The following LRRC4C variants were observed in gnomAD, a reference collection of about 807,000 sequenced individuals.
LRRC4C encodes the protein leucine rich repeat containing 4C, also known as leucine-rich repeat-containing protein 4C.
In LRRC4C, 5 loss-of-function variants were observed where a neutral mutation model predicts 33.6. The observed-to-expected ratio is 0.15, with a 90% confidence interval of 0.08 to 0.31. The LOEUF (loss-of-function observed/expected upper bound fraction) is 0.31. Ranked by LOEUF, LRRC4C falls within the 10% of genes least tolerant of loss-of-function variation. The pLI is 1.00. For synonymous variants in LRRC4C, 329 were observed against 302.0 expected (o/e 1.09, Z -0.93); for missense variants, 560 against 796.7 (o/e 0.70, Z 3.58).
chr11:41,327,835 G>A (rs1336771073), intron 1 of LRRC4C, among the ~76,000 whole-genome samples: 2 of 152,246 alleles, frequency 1.3e-5, no homozygotes, highest in African/African-American at 2.4e-5. Flanking sequence ...TATGTAAGAC[G>A]TATCTTTGCT....
At chr11:40,736,091 G>A (rs1045426491) in intron 2 of LRRC4C, among the ~76,000 whole-genome samples, 1 of 151,910 alleles carries the variant, frequency 6.6e-6, no homozygotes, top group African/African-American at 2.4e-5. Flanking sequence ...GTGTACACGT[G>A]CCATGGTGGT....
chr11:40,586,823 C>T (rs1468280908), intron 3 of LRRC4C, among the ~76,000 whole-genome samples: 2 of 152,048 alleles, frequency 1.3e-5, no homozygotes, highest in African/African-American at 4.8e-5. Context: ...TGTTCTGTTC[C>T]ATTGATCTAT....
At chr11:40,140,932 C>T (rs1857321989) in intron 5 of LRRC4C, 79 bp from the exon 6 acceptor site, 1 of 152,526 alleles carries the variant, frequency 6.6e-6, no homozygotes, top group Admixed American at 6.6e-5. Context: ...GATCTGCCAC[C>T]ACCACAACCA....
intron 1 of LRRC4C, among the ~76,000 whole-genome samples, chr11:41,046,485 G>C (rs894871152): frequency 6.6e-6 from 1 of 152,180 alleles, no homozygotes; most frequent in African/African-American, 2.4e-5. Flanking sequence ...TAGGGACAGA[G>C]AGGAAAAGAG....
intron 1 of LRRC4C, among the ~76,000 whole-genome samples, chr11:41,233,334 A>C (rs1947882412): frequency 6.6e-6 from 1 of 152,076 alleles, no homozygotes; most frequent in Non-Finnish European, 1.5e-5. Context: ...AAAATTGTTA[A>C]TATCAATATT....
chr11:40,407,807 G>T (rs1191866230), intron 3 of LRRC4C, among the ~76,000 whole-genome samples: 2 of 151,988 alleles, frequency 1.3e-5, no homozygotes, highest in Non-Finnish European at 2.9e-5. Flanking sequence ...ATTAACTAAA[G>T]AAATGTAAAT....
chr11:40,181,546 G>T (rs1861004070), intron 5 of LRRC4C, among the ~76,000 whole-genome samples: 1 of 152,138 alleles, frequency 6.6e-6, no homozygotes. Flanking sequence ...CTCTGTGATG[G>T]ACTTTTCATA....
At chr11:40,217,307 C>T (rs559489133) in intron 5 of LRRC4C, among the ~76,000 whole-genome samples, 3 of 151,990 alleles carry the variant, frequency 2.0e-5, no homozygotes, top group Admixed American at 6.6e-5. Flanking sequence ...TAAAGTCTAG[C>T]AACATTAATA....
chr11:41,129,420 A>G (rs1942908996), intron 1 of LRRC4C, among the ~76,000 whole-genome samples: 1 of 151,852 alleles, frequency 6.6e-6, no homozygotes, highest in African/African-American at 2.4e-5. Flanking sequence ...AACCAGTTCA[A>G]TTTCTCTACA....
chr11:40,900,042 A>G (rs182863253), intron 2 of LRRC4C, among the ~76,000 whole-genome samples: 7 of 152,170 alleles, frequency 4.6e-5, no homozygotes, highest in African/African-American at 1.7e-4. Flanking sequence ...AATTATTACT[A>G]TTGTGGATAT....
intron 3 of LRRC4C, among the ~76,000 whole-genome samples, chr11:40,646,272 A>G (rs1942449733): frequency 6.6e-6 from 1 of 152,232 alleles, no homozygotes; most frequent in Admixed American, 6.5e-5. Context: ...ATAATCAGAA[A>G]CAAAAAAGAA....
At chr11:41,026,930 G>A (rs935770400) in intron 1 of LRRC4C, among the ~76,000 whole-genome samples, 2 of 151,570 alleles carry the variant, frequency 1.3e-5, no homozygotes, top group East Asian at 1.9e-4. Flanking sequence ...TTTTGCAACT[G>A]GATTTATTAA....
intron 1 of LRRC4C, among the ~76,000 whole-genome samples, chr11:41,163,511 T>C (rs1944577117): frequency 6.6e-6 from 1 of 152,000 alleles, no homozygotes; most frequent in Non-Finnish European, 1.5e-5. Context: ...ATCAAACTCC[T>C]GACCTCAAAT....
At chr11:40,723,392 C>T (rs1477154466) in intron 2 of LRRC4C, among the ~76,000 whole-genome samples, 2 of 152,032 alleles carry the variant, frequency 1.3e-5, no homozygotes, top group African/African-American at 4.8e-5. Context: ...AAAACCCCAT[C>T]AGGCTAACAG....
intron 2 of LRRC4C, among the ~76,000 whole-genome samples, chr11:40,893,894 T>A (rs1003927180): frequency 6.6e-6 from 1 of 152,000 alleles, no homozygotes; most frequent in African/African-American, 2.4e-5. Flanking sequence ...TGCTTGTATA[T>A]CTAAGTTTTG....
intron 2 of LRRC4C, among the ~76,000 whole-genome samples, chr11:40,671,646 AGTGTGTGTGT>A (rs145275244): frequency 1.4e-4 from 19 of 140,570 alleles, no homozygotes; most frequent in African/African-American, 4.5e-4. Context: ...GTCCTTATTC[AGTGTGTGTGT>A]GTGTGTGTGT....
intron 1 of LRRC4C, among the ~76,000 whole-genome samples, chr11:40,951,589 C>T (rs2136725665): frequency 6.6e-6 from 1 of 151,992 alleles, no homozygotes; most frequent in South Asian, 2.1e-4. Context: ...TATGTTGGCA[C>T]TTAAATATTC....
At chr11:40,515,717 T>G (rs1347367162) in intron 3 of LRRC4C, among the ~76,000 whole-genome samples, 1 of 152,114 alleles carries the variant, frequency 6.6e-6, no homozygotes, top group African/African-American at 2.4e-5. Context: ...CATTTTAAAA[T>G]GCAGTAAAAT....
chr11:41,373,217 T>C (rs890752572), intron 1 of LRRC4C, among the ~76,000 whole-genome samples: 1 of 152,120 alleles, frequency 6.6e-6, no homozygotes. Flanking sequence ...ATCCTTTTTT[T>C]CAGCATTTTA....
Sources: gnomAD v4.1 joint callset for allele counts (sites outside exome capture counted in the v4.1 genomes callset) on GRCh38, gnomAD v4.1.1 for gene constraint, MANE v1.5 for transcripts, NCBI Gene and HGNC (gene_info 2026-07-23, HGNC 2026-07-21) for gene names.